The following LRRK1 variants were observed in gnomAD, a reference collection of about 807,000 sequenced individuals.
LRRK1 encodes leucine rich repeat kinase 1, also known as leucine-rich repeat serine/threonine-protein kinase 1.
Under a neutral mutation model 209.1 loss-of-function variants are expected in LRRK1, and 113 were observed. The observed-to-expected ratio is 0.54, with a 90% CI of 0.46 to 0.63. The LOEUF (loss-of-function observed/expected upper bound fraction) is 0.63. LRRK1 is among the 30% of genes least tolerant of loss of function. The pLI is 0.00. For missense variants in LRRK1, 2,284 were observed against 2,632.2 expected, an observed-to-expected ratio of 0.87 and a Z score of 2.89; for synonymous variants, 1,144 against 1,099.7, an observed-to-expected ratio of 1.04 and a Z score of -0.80.
rs1292951232 is a variant in LRRK1 at position 101,066,104 on chromosome 15, C to A, written c.5667C>A (p.Asp1889Glu). The change falls in exon 32 of 34, where the codon GAC (aspartate) becomes GAA (glutamate). Residue 1889 changes from aspartate to glutamate, a missense_variant. Around this residue, in one of 6 missense-constraint regions of LRRK1, gnomAD observed 643 missense variants for 695.9 expected, o/e 0.92. Transcript: ENST00000388948. ...TACATACGCCCGGTGCTGCCTCCGACAGGTCTGAGCATGACCTGACCCCCA... is the reference window on the plus strand; with the variant it reads ...TACATACGCCCGGTGCTGCCTCCGAAAGGTCTGAGCATGACCTGACCCCCA... ...DMLHTPGAAS[D>E]RSEHDLTPMD... is the part of the protein sequence containing the mutation. The A allele has an allele frequency of 6.2e-7, 1 of 1,614,182 alleles. No homozygotes were observed. The highest frequency in any genetic ancestry group is 8.5e-7 in the Non-Finnish European group (1 of 1,180,042).
chr15:101,060,686 G>A (rs2036115353), intron 29 of LRRK1, among the ~76,000 whole-genome samples: 1 of 152,262 alleles, frequency 6.6e-6, no homozygotes, highest in South Asian at 2.1e-4. Context: ...AGACAGCGAT[G>A]CCGGGGACAG....
intron 3 of LRRK1, among the ~76,000 whole-genome samples, chr15:100,974,389 A>G (rs1227012143): frequency 6.6e-6 from 1 of 152,154 alleles, no homozygotes; most frequent in African/African-American, 2.4e-5. Flanking sequence ...AACCCACTTA[A>G]CAGTTTTGCT....
rs368201796 is a variant in LRRK1, at chr15:100,962,558, C to G, written c.98-11246C>G. Among the ~76,000 whole-genome samples the G allele has an allele frequency of 1.3e-4, 19 of 151,388 alleles. 1 individual carries two copies. Among genetic ancestry groups the G allele is most frequent in the Admixed American group, 9.2e-4 (14 of 15,182 alleles). ...TAAATAAATAAATAAAATTTTAAAA[C>G]TCCAGTCATTTCATCTGCTGAAGGG... On this transcript the variant is annotated intron_variant, in intron 2 of 33. Transcript: ENST00000388948.
intron 20 of LRRK1, among the ~76,000 whole-genome samples, chr15:101,031,115 A>G (rs1243713987): frequency 3.3e-5 from 5 of 152,222 alleles, no homozygotes; most frequent in African/African-American, 1.2e-4. Context: ...GTAGTGTTCC[A>G]TCATAGGTAA....
Position 101,027,841 on chromosome 15 carries a change from G to A in LRRK1, c.2686+44G>A, listed in dbSNP as rs962610344. 4.6e-6 allele frequency: 7 copies of A among 1,514,974 alleles called. No individual in the cohort carries two copies. Among genetic ancestry groups the A allele is most frequent in the Non-Finnish European group, 6.2e-6 (7 of 1,123,366 alleles). 93.8% of individuals were successfully genotyped at this position (1,514,974 alleles called of 1,614,324 possible). On this transcript the variant is annotated intron_variant, in intron 19 of 33. Transcript: ENST00000388948. This position sits in a 1 kb window ranked among gnomAD's most constrained non-coding sequence, Gnocchi z 5.1. ...GGTGGCAGGGTGCCCGTGAGAAATGGAACTGTCTGTACTTGCTAACTTCAG... is the reference window on the plus strand; with the variant it reads ...GGTGGCAGGGTGCCCGTGAGAAATGAAACTGTCTGTACTTGCTAACTTCAG...
intron 29 of LRRK1, 38 bp from the exon 30 acceptor site, chr15:101,061,132 GC>G: frequency 1.3e-6 from 2 of 1,505,070 alleles, no homozygotes; most frequent in Non-Finnish European, 1.8e-6. Context: ...GCAGCCCCTG[GC>G]CCCCGGGCAC....
At chr15:101,063,050 C>T (rs2036283421) in intron 31 of LRRK1, among the ~76,000 whole-genome samples, 1 of 152,184 alleles carries the variant, frequency 6.6e-6, no homozygotes, top group Non-Finnish European at 1.5e-5. Context: ...AGGCCAGAGC[C>T]ACCTCACAGC....
intron 20 of LRRK1, among the ~76,000 whole-genome samples, chr15:101,045,384 T>C (rs1490594544): frequency 6.6e-6 from 1 of 152,208 alleles, no homozygotes; most frequent in Non-Finnish European, 1.5e-5. Flanking sequence ...GTTTCAGCCG[T>C]GAAGCCCTTG....
At chr15:100,951,081 C>T (rs975837620) in intron 2 of LRRK1, among the ~76,000 whole-genome samples, 2 of 152,170 alleles carry the variant, frequency 1.3e-5, no homozygotes, top group African/African-American at 4.8e-5. Context: ...CCAGCCTGGG[C>T]TACAGAGTGA....
chr15:100,954,322 C>T lies in LRRK1; in HGVS notation c.98-19482C>T, dbSNP rs1428440397. On this transcript the variant is annotated intron_variant, in intron 2 of 33. Coordinates refer to ENST00000388948, the MANE Select transcript of LRRK1 (RefSeq NM_024652.6). Reference sequence around the variant, plus strand: ...TCTTCGGAAAATTTTTATTCAGGTCCTTTGCCCATTTTAAAAATCAAGTTA... The same window carrying T: ...TCTTCGGAAAATTTTTATTCAGGTCTTTTGCCCATTTTAAAAATCAAGTTA... Among the ~76,000 whole-genome samples, 5 of 143,426 alleles carry T rather than the reference C, an allele frequency of 3.5e-5. 1 individual carries two copies. Among genetic ancestry groups the T allele is most frequent in the African/African-American group, 1.3e-4 (5 of 38,084 alleles). 94.1% of individuals were successfully genotyped at this position (143,426 alleles called of 152,430 possible).
rs1020385052 is a variant in LRRK1 at position 100,954,437 on chromosome 15, C to G, written c.98-19367C>G. ...AGATATATGGTTTGCAATATTTTCT[C>G]TCATTCCATAGGTTGCCTTTTCATT... On this transcript the variant is annotated intron_variant, in intron 2 of 33. Coordinates refer to ENST00000388948, the MANE Select transcript of LRRK1 (RefSeq NM_024652.6). Among the ~76,000 whole-genome samples, 7 of 152,284 alleles carry G rather than the reference C, an allele frequency of 4.6e-5. No individual in the cohort carries two copies. The East Asian group carries it at 1.2e-3, about 25-fold the overall frequency.
rs138992813 is a variant in LRRK1 at position 101,018,685 on chromosome 15, G to A, written c.1610-2368G>A. 1.1e-3 allele frequency among the ~76,000 whole-genome samples: 162 copies of A among 152,314 alleles called. No individual in the cohort carries two copies. The East Asian group carries it at 0.013, about 12-fold the overall frequency. On this transcript the variant is annotated intron_variant, in intron 12 of 33. Coordinates refer to ENST00000388948, the MANE Select transcript of LRRK1 (RefSeq NM_024652.6). ...TCTAGAAAGTGACAGCTGGCAGCCC[G>A]CAGAAGTACATCTGGGGAGCCATGT...
At chr15:100,958,132 A>G (rs1371839621) in intron 2 of LRRK1, among the ~76,000 whole-genome samples, 1 of 152,228 alleles carries the variant, frequency 6.6e-6, no homozygotes, top group Non-Finnish European at 1.5e-5. Context: ...CTGGGATTAC[A>G]GGCATGAACC....
At chr15:100,947,351 G>A (rs533163102) in intron 2 of LRRK1, among the ~76,000 whole-genome samples, 2 of 152,230 alleles carry the variant, frequency 1.3e-5, no homozygotes, top group South Asian at 4.1e-4. Flanking sequence ...AAAATACACT[G>A]TGCCCATTCC....
intron 2 of LRRK1, among the ~76,000 whole-genome samples, chr15:100,964,692 A>G (rs974759970): frequency 2.0e-5 from 3 of 152,212 alleles, no homozygotes; most frequent in African/African-American, 7.2e-5. Context: ...TGTCTTTTCT[A>G]AGATTTACAG....
chr15:101,064,009 C>T (rs1270885151), intron 31 of LRRK1, among the ~76,000 whole-genome samples: 2 of 152,264 alleles, frequency 1.3e-5, no homozygotes, highest in African/African-American at 4.8e-5. Flanking sequence ...AAAGCCTGCT[C>T]TGTGCAGGGC....
chr15:100,956,095 C>T (rs533022376), intron 2 of LRRK1, among the ~76,000 whole-genome samples: 47 of 152,270 alleles, frequency 3.1e-4, no homozygotes, highest in African/African-American at 1.1e-3. Context: ...GTAGAATTCA[C>T]CTGTGAAGCC....
At chr15:101,002,009 C>CTT (rs1567224847) in intron 6 of LRRK1, among the ~76,000 whole-genome samples, 1 of 152,186 alleles carries the variant, frequency 6.6e-6, no homozygotes, top group African/African-American at 2.4e-5. Context: ...GGCCAGGAAT[C>CTT]GTTTTCGGAG....
At chr15:100,950,255 A>G (rs2042619530) in intron 2 of LRRK1, among the ~76,000 whole-genome samples, 3 of 152,240 alleles carry the variant, frequency 2.0e-5, no homozygotes, top group Admixed American at 2.0e-4. Context: ...AGTATCCAAA[A>G]GAATAAAAAA....
Sources: gnomAD v4.1 joint callset for allele counts (sites outside exome capture counted in the v4.1 genomes callset) on GRCh38, gnomAD v4.1.1 for gene constraint, gnomAD v4.1.1 regional missense constraint, Gnocchi (gnomAD v3.1) non-coding constraint, MANE v1.5 for transcripts, NCBI Gene and HGNC (gene_info 2026-07-23, HGNC 2026-07-21) for gene names.